Variants in IMMP1L observed in about 807,000 individuals in gnomAD.
IMMP1L encodes mitochondrial inner membrane protease subunit 1.
A neutral mutation model predicts 21.8 loss-of-function variants in IMMP1L; 24 were observed. That is an observed-to-expected ratio of 1.10 (90% CI 0.80 to 1.55). The LOEUF is 1.55. Ranked by LOEUF, IMMP1L falls within the 40% of genes most tolerant of loss-of-function variation. IMMP1L has a pLI of 0.00. For synonymous variants in IMMP1L, 46 were observed against 62.8 expected (o/e 0.73, Z 1.26); for missense variants, 195 against 200.7 (o/e 0.97, Z 0.17).
chr11:31,456,579 T>A (rs1486063857), intron 3 of IMMP1L, among the ~76,000 whole-genome samples, 193 bp from the exon 4 acceptor site: 1 of 152,008 alleles, frequency 6.6e-6, no homozygotes, highest in African/African-American at 2.4e-5. Flanking sequence ...AATCCAACAA[T>A]AAGAGTGATA....
intron 1 of IMMP1L, among the ~76,000 whole-genome samples, chr11:31,484,368 T>C (rs1291842019): frequency 6.6e-6 from 1 of 151,966 alleles, no homozygotes; most frequent in Non-Finnish European, 1.5e-5. Flanking sequence ...AGTACCTTAC[T>C]GTACATTGTT....
In IMMP1L at chr11:31,485,575, T is replaced by C. The variant is rs146041437; in HGVS notation, c.-29-22270A>G. Among the ~76,000 whole-genome samples the C allele has an allele frequency of 3.6e-3, 544 of 152,004 alleles. 1 individual carries two copies. Among genetic ancestry groups the C allele is most frequent in the Middle Eastern group, 6.8e-3 (2 of 294 alleles). ...TGCTAGCACACATTCTCTACTCTTA[T>C]AGTCAGCAGATGTGACAGAACCATA... On this transcript the variant is annotated intron_variant, in intron 1 of 5. Transcript: ENST00000532287.
intron 1 of IMMP1L, among the ~76,000 whole-genome samples, chr11:31,489,613 C>G (rs1290569944): frequency 6.7e-6 from 1 of 148,386 alleles, no homozygotes. Flanking sequence ...CTTATCTTAT[C>G]TCTTGCCTTT....
intron 1 of IMMP1L, among the ~76,000 whole-genome samples, chr11:31,463,663 A>T (rs1411462432): frequency 6.6e-6 from 1 of 152,172 alleles, no homozygotes; most frequent in African/African-American, 2.4e-5. Flanking sequence ...GTTCCTTGCT[A>T]TATATTACTT....
chr11:31,470,765 T>C (rs889108008), intron 1 of IMMP1L, among the ~76,000 whole-genome samples: 1 of 152,334 alleles, frequency 6.6e-6, no homozygotes, highest in Non-Finnish European at 1.5e-5. Flanking sequence ...ATGTGGTATA[T>C]ATACACAATG....
chr11:31,471,945 T>C (rs576778403), intron 1 of IMMP1L, among the ~76,000 whole-genome samples: 6 of 152,328 alleles, frequency 3.9e-5, no homozygotes, highest in Admixed American at 2.6e-4. Context: ...TTTCCTTGCC[T>C]TTCCCAACTT....
chr11:31,469,275 T>A (rs1954464777), intron 1 of IMMP1L, among the ~76,000 whole-genome samples: 1 of 151,452 alleles, frequency 6.6e-6, no homozygotes, highest in African/African-American at 2.4e-5. Flanking sequence ...GAAAAAAAAG[T>A]ACAAAACAGA....
intron 1 of IMMP1L, among the ~76,000 whole-genome samples, chr11:31,470,516 T>G (rs1251955000): frequency 6.6e-6 from 1 of 150,708 alleles, no homozygotes; most frequent in Non-Finnish European, 1.5e-5. Context: ...ATAAAGATAC[T>G]GATGCTGTTT....
intron 2 of IMMP1L, among the ~76,000 whole-genome samples, chr11:31,462,558 G>C (rs1954189435): frequency 2.0e-5 from 3 of 152,084 alleles, no homozygotes; most frequent in Non-Finnish European, 4.4e-5. Flanking sequence ...TTAAGAAAAA[G>C]TATTAGTTGG....
rs763325351 is a variant in IMMP1L at position 31,432,461 on chromosome 11, A to G, written c.*39T>C. ...TCAACGGGAGTAATAAATTCACATGAAAAGGAGACAATAATCAAGTCAAAA... is the reference window on the plus strand; with the variant it reads ...TCAACGGGAGTAATAAATTCACATGGAAAGGAGACAATAATCAAGTCAAAA... On this transcript the variant is annotated 3_prime_UTR_variant, in exon 6 of 6. Transcript: ENST00000532287. The G allele has an allele frequency of 7.2e-7, 1 of 1,381,364 alleles. No homozygotes were observed. The highest frequency in any genetic ancestry group is 1.0e-6 in the Non-Finnish European group (1 of 970,062). 85.6% of individuals were successfully genotyped at this position (1,381,364 alleles called of 1,614,324 possible). A position where few individuals can be genotyped will look rare whatever the true frequency, so the allele number is the denominator to read the frequency against.
intron 1 of IMMP1L, among the ~76,000 whole-genome samples, chr11:31,468,688 G>A (rs1358715921): frequency 6.6e-6 from 1 of 152,014 alleles, no homozygotes; most frequent in East Asian, 1.9e-4. Context: ...ATAGTATAGT[G>A]GGGCAGATAT....
chr11:31,439,668 G>A (rs948012348), intron 4 of IMMP1L, among the ~76,000 whole-genome samples: 1 of 152,192 alleles, frequency 6.6e-6, no homozygotes, highest in Admixed American at 6.5e-5. Flanking sequence ...AGTGTTGAAT[G>A]TTGAGGGAGT....
chr11:31,506,375 C>A (rs1029044312), intron 1 of IMMP1L, among the ~76,000 whole-genome samples: 1 of 151,732 alleles, frequency 6.6e-6, no homozygotes, highest in Non-Finnish European at 1.5e-5. Context: ...ACCACAGAAG[C>A]CCGCCACCAT....
intron 4 of IMMP1L, among the ~76,000 whole-genome samples, chr11:31,440,896 T>G (rs1406487547): frequency 6.6e-6 from 1 of 152,108 alleles, no homozygotes; most frequent in Non-Finnish European, 1.5e-5. Flanking sequence ...AACAAGGAAA[T>G]TCACTATGGT....
At chr11:31,441,935 T>C (rs369350097) in intron 4 of IMMP1L, among the ~76,000 whole-genome samples, 5 of 152,144 alleles carry the variant, frequency 3.3e-5, no homozygotes, top group African/African-American at 9.7e-5. Flanking sequence ...AATCAAAACT[T>C]TTAAGTTGGA....
chr11:31,435,772 C>G (rs1448326914), intron 4 of IMMP1L, among the ~76,000 whole-genome samples: 7 of 152,046 alleles, frequency 4.6e-5, no homozygotes, highest in African/African-American at 1.7e-4. Flanking sequence ...GTACAAATAG[C>G]AAATATTCCC....
chr11:31,452,806 A>T, intron 4 of IMMP1L: 1 of 963,706 alleles, frequency 1.0e-6, no homozygotes, highest in Non-Finnish European at 1.3e-6. Flanking sequence ...GCTGCAGTGC[A>T]GTGGCGCGAT....
intron 4 of IMMP1L, chr11:31,448,901 T>C (rs1438790920): frequency 7.2e-6 from 7 of 978,472 alleles, no homozygotes; most frequent in African/African-American, 7.0e-5. Context: ...GTGAAATTTA[T>C]CTTCAGAATT....
At chr11:31,481,566 T>C (rs1353319652) in intron 1 of IMMP1L, among the ~76,000 whole-genome samples, 3 of 151,832 alleles carry the variant, frequency 2.0e-5, no homozygotes, top group African/African-American at 7.2e-5. Context: ...AAGTTAATAA[T>C]ATACATTATG....
Sources: gnomAD v4.1 joint callset for allele counts (sites outside exome capture counted in the v4.1 genomes callset) on GRCh38, gnomAD v4.1.1 for gene constraint, MANE v1.5 for transcripts, NCBI Gene and HGNC (gene_info 2026-07-23, HGNC 2026-07-21) for gene names.